The following SPAG4 variants were observed in gnomAD, a reference collection of about 807,000 sequenced individuals.
The protein encoded by SPAG4 is sperm associated antigen 4, also known as sperm-associated antigen 4 protein.
In SPAG4, 54 loss-of-function variants were observed where a neutral mutation model predicts 53.9. That is an observed-to-expected ratio of 1.00 (90% CI 0.80 to 1.26). The LOEUF (loss-of-function observed/expected upper bound fraction) is 1.26. Among genes scored for constraint, SPAG4 ranks in the 50% most tolerant of loss-of-function variants. SPAG4 has a pLI of 0.00. For synonymous variants in SPAG4, 246 were observed against 237.4 expected (o/e 1.04, Z -0.33); for missense variants, 548 against 568.6 (o/e 0.96, Z 0.37).
chr20:35,616,280 G>A lies in SPAG4; in HGVS notation c.277G>A (p.Ala93Thr). ...RSHNWQTACGAATVRGGASEP... is the reference protein window; with the variant it reads ...RSHNWQTACGTATVRGGASEP... The stretch of plus-strand genomic sequence containing the variant: ...CCACAACTGGCAGACAGCCTGTGGC[G>A]CGGCAACCGTGAGGGGCGGGGCCTC... The change falls in exon 1 of 12, where the codon GCG becomes ACG. Residue 93 changes from alanine to threonine, a missense_variant. Physicochemically the swap from Ala to Thr is moderately conservative, Grantham distance 58. Transcript: ENST00000374273. 2.7e-6 allele frequency: 4 copies of A among 1,488,542 alleles called. No individual in the cohort carries two copies. Among genetic ancestry groups the A allele is most frequent in the Non-Finnish European group, 3.6e-6 (4 of 1,123,712 alleles). 92.2% of individuals were successfully genotyped at this position (1,488,542 alleles called of 1,614,324 possible). A position where few individuals can be genotyped will look rare whatever the true frequency, so the allele number is the denominator to read the frequency against.
rs768830256 is a variant in SPAG4, at chr20:35,619,011, G to A, written c.793+13G>A. 6.2e-7 allele frequency: 1 copy of A among 1,608,640 alleles called. No homozygotes were observed. The highest frequency in any genetic ancestry group is 1.1e-5 in the South Asian group (1 of 90,952). ...TTGAGCTCTGTGGGTAAGACCCGGAGACACTGGAAGACAGAGACGCAGACA... is the reference window on the plus strand; with the variant it reads ...TTGAGCTCTGTGGGTAAGACCCGGAAACACTGGAAGACAGAGACGCAGACA... On this transcript the variant is annotated intron_variant, in intron 8 of 11. Coordinates refer to ENST00000374273, the MANE Select transcript of SPAG4 (RefSeq NM_003116.3).
At chr20:35,616,712 C>G (rs1053007149) in intron 1 of SPAG4, among the ~76,000 whole-genome samples, 1 of 152,006 alleles carries the variant, frequency 6.6e-6, no homozygotes, top group Non-Finnish European at 1.5e-5. Flanking sequence ...TCACCGCAAC[C>G]TCCGCCTCCC....
In SPAG4 at chr20:35,619,571, G is replaced by A. The variant is rs2071907297; in HGVS notation, c.910-8G>A. On this transcript the variant is annotated splice_region_variant and splice_polypyrimidine_tract_variant and intron_variant, in intron 9 of 11. Transcript: ENST00000374273. ...GACGGTTCCGATGGTCCCTCCGCCC[G>A]CCTGCAGCCCCACGTGTTCCCTGGG... 2 of 1,610,464 alleles carry A rather than the reference G, an allele frequency of 1.2e-6. No homozygotes were observed. The highest frequency in any genetic ancestry group is 1.7e-6 in the Non-Finnish European group (2 of 1,177,422).
In SPAG4 at chr20:35,620,888, G is replaced by A; in HGVS notation, c.1180G>A (p.Ala394Thr). ...QTFHLQNDPP[A>T]AFPKVKIQIL... ...TTTGTCTCCCCAGAATGACCCCCCA[G>A]CTGCCTTTCCCAAGGTGAAGATCCA... The change falls in exon 12 of 12, where the codon GCT becomes ACT. Residue 394 changes from alanine (A) to threonine (T), a missense_variant. Ala to Thr is a moderately conservative substitution (Grantham distance 58, BLOSUM62 0). Transcript: ENST00000374273. 5 of 1,614,154 alleles carry A rather than the reference G, an allele frequency of 3.1e-6. No individual in the cohort carries two copies. Among genetic ancestry groups the A allele is most frequent in the Non-Finnish European group, 4.2e-6 (5 of 1,180,004 alleles).
Position 35,619,897 on chromosome 20 carries a change from A to G in SPAG4, c.1077+151A>G, listed in dbSNP as rs1017803075. 14 of 786,832 alleles carry G rather than the reference A, an allele frequency of 1.8e-5. No individual in the cohort carries two copies. In the African/African-American group the frequency reaches 2.3e-4, roughly 13 times the overall value. The allele number at this position is 786,832 out of a possible 1,614,324, so 48.7% of individuals were successfully genotyped here. On this transcript the variant is annotated intron_variant, in intron 10 of 11. Transcript: ENST00000374273. ...CTCAGAGCTGCTGTAGGTTATAGTCATAACCATATCCAGATATTAGTTATT... is the reference window on the plus strand; with the variant it reads ...CTCAGAGCTGCTGTAGGTTATAGTCGTAACCATATCCAGATATTAGTTATT...
chr20:35,617,177 C>T lies in SPAG4; in HGVS notation c.346C>T (p.Leu116Phe). 6.3e-7 allele frequency: 1 copy of T among 1,599,490 alleles called. No individual in the cohort carries two copies. The highest frequency in any genetic ancestry group is 8.5e-7 in the Non-Finnish European group (1 of 1,172,992). ...AGTAGTCTCTGAGGAGCCGCTCGAC[C>T]TTCTCCCGACCCTGGATCTGAGGCA... ...SPVVSEEPLD[L>F]LPTLDLRQEM... is the part of the protein sequence containing the mutation. The change falls in exon 2 of 12, where the codon CTT becomes TTT. Residue 116 changes from leucine to phenylalanine, a missense_variant. Physicochemically the swap from Leu to Phe is conservative, Grantham distance 22. Coordinates refer to ENST00000374273, the MANE Select transcript of SPAG4 (RefSeq NM_003116.3).
chr20:35,618,053 T>G (rs1456891445), intron 4 of SPAG4, 34 bp from the exon 5 acceptor site: 3 of 1,609,522 alleles, frequency 1.9e-6, no homozygotes, highest in Non-Finnish European at 2.5e-6. Flanking sequence ...TTCTCTTCCT[T>G]TTCCTTCTGA....
intron 9 of SPAG4, 95 bp from the exon 10 acceptor site, chr20:35,619,484 C>T (rs536076514): frequency 2.6e-6 from 4 of 1,518,834 alleles, no homozygotes; most frequent in African/African-American, 2.7e-5. Context: ...GAGCTCTGGG[C>T]GGGTCGATGG....
chr20:35,615,931 T>A lies in SPAG4; in HGVS notation c.-73T>A. 6.8e-7 allele frequency: 1 copy of A among 1,480,990 alleles called. No individual in the cohort carries two copies. Among genetic ancestry groups the A allele is most frequent in the East Asian group, 2.4e-5 (1 of 41,912 alleles). The allele number at this position is 1,480,990 out of a possible 1,614,324, so 91.7% of individuals were successfully genotyped here. On this transcript the variant is annotated 5_prime_UTR_variant, in exon 1 of 12. Transcript: ENST00000374273. ...TGGGGTCCCCGCGGCGCGCAGCGGCTGAAGGAGGCCCCAGGGCCTTGGCGA... is the reference window on the plus strand; with the variant it reads ...TGGGGTCCCCGCGGCGCGCAGCGGCAGAAGGAGGCCCCAGGGCCTTGGCGA...
chr20:35,619,131 G>T, intron 8 of SPAG4, 64 bp from the exon 9 acceptor site: 1 of 565,610 alleles, frequency 1.8e-6, no homozygotes. Context: ...CAGCCCCCGC[G>T]CCCCCGCGCC....
intron 9 of SPAG4, 98 bp from the exon 10 acceptor site, chr20:35,619,481 G>A: frequency 1.3e-6 from 2 of 1,515,760 alleles, no homozygotes; most frequent in Admixed American, 3.5e-5. Context: ...GTGGAGCTCT[G>A]GGCGGGTCGA....
Position 35,616,002 on chromosome 20 carries a change from G to A in SPAG4, c.-2G>A, listed in dbSNP as rs2031357221. 1 of 1,610,786 alleles carries A rather than the reference G, an allele frequency of 6.2e-7. No individual in the cohort carries two copies. The highest frequency in any genetic ancestry group is 8.5e-7 in the Non-Finnish European group (1 of 1,179,490). ...TCAGTGACTAGGCAGCAGGGGGTCA[G>A]GATGCGGCGAAGCTCCCGCCCGGGC... On this transcript the variant is annotated 5_prime_UTR_variant, in exon 1 of 12. Coordinates refer to ENST00000374273, the MANE Select transcript of SPAG4 (RefSeq NM_003116.3).
At chr20:35,620,625 C>T (rs766624421) in intron 10 of SPAG4, 59 bp from the exon 11 acceptor site, 3 of 453,826 alleles carry the variant, frequency 6.6e-6, no homozygotes, top group East Asian at 4.4e-5. Flanking sequence ...TTCTTCTCCC[C>T]GCCCCCCCCG....
chr20:35,620,937 C>G lies in SPAG4; in HGVS notation c.1229C>G (p.Pro410Arg). Residue 410 changes from proline (P) to arginine (R), a missense_variant, in exon 12 of 12, where the codon CCC becomes CGC. By Grantham distance (103) the Pro-to-Arg change is moderately radical (BLOSUM62 -2). Coordinates refer to ENST00000374273, the MANE Select transcript of SPAG4 (RefSeq NM_003116.3). Reference sequence around the variant, plus strand: ...CAGATTCTAAGCAACTGGGGCCACCCCCGTTTCACGTGCTTGTATCGAGTC... The same window carrying G: ...CAGATTCTAAGCAACTGGGGCCACCGCCGTTTCACGTGCTTGTATCGAGTC... Reference protein sequence around the residue: ...KIQILSNWGHPRFTCLYRVRA... With the variant: ...KIQILSNWGHRRFTCLYRVRA... The G allele has an allele frequency of 1.2e-6, 2 of 1,614,220 alleles. No homozygotes were observed. Among genetic ancestry groups the G allele is most frequent in the Non-Finnish European group, 1.7e-6 (2 of 1,180,042 alleles).
intron 10 of SPAG4, 114 bp downstream of exon 10, chr20:35,619,860 T>C (rs2031518533): frequency 4.5e-6 from 5 of 1,100,388 alleles, no homozygotes; most frequent in Non-Finnish European, 6.4e-6. Flanking sequence ...ATGAAGATAC[T>C]ACTATTTGCC....
Position 35,619,324 on chromosome 20 carries a change from C to G in SPAG4, c.909+14C>G. ...GTTATCCTGGAGGTGAGTCTGGAAA[C>G]ATCCCGGGATGGGACCCCGGGCGGG... is the stretch of plus-strand genomic sequence containing the variant. On this transcript the variant is annotated intron_variant, in intron 9 of 11. Transcript: ENST00000374273. The G allele has an allele frequency of 6.2e-7, 1 of 1,606,650 alleles. No homozygotes were observed. Among genetic ancestry groups the G allele is most frequent in the Non-Finnish European group, 8.5e-7 (1 of 1,173,150 alleles).
intron 4 of SPAG4, 62 bp downstream of exon 4, chr20:35,617,902 A>AT (rs2031442230): frequency 6.5e-7 from 1 of 1,535,764 alleles, no homozygotes; most frequent in African/African-American, 1.4e-5. Flanking sequence ...AACCCAGCAC[A>AT]TTTTCTCCTA....
rs6087726 is a variant in SPAG4 at position 35,618,916 on chromosome 20, C to G, written c.718-7C>G. 1 of 1,613,940 alleles carries G rather than the reference C, an allele frequency of 6.2e-7. No homozygotes were observed. Among genetic ancestry groups the G allele is most frequent in the South Asian group, 1.1e-5 (1 of 91,078 alleles). On this transcript the variant is annotated splice_region_variant and splice_polypyrimidine_tract_variant and intron_variant, in intron 7 of 11. Coordinates refer to ENST00000374273, the MANE Select transcript of SPAG4 (RefSeq NM_003116.3). ...GCCCCTCCAGGCCTCGCCCTCCCTC[C>G]TTGCAGAGAGTGGCCAAGCTCGTGT...
chr20:35,616,369 G>A (rs2031379891), intron 1 of SPAG4, 62 bp downstream of exon 1: 28 of 1,430,114 alleles, frequency 2.0e-5, no homozygotes, highest in Non-Finnish European at 2.4e-5. Context: ...GGGCGGTGCT[G>A]GGCGGGGACG....
Sources: allele counts gnomAD v4.1 joint callset (sites outside exome capture counted in the v4.1 genomes callset), GRCh38; gene constraint gnomAD v4.1.1; transcripts MANE v1.5; gene names NCBI Gene and HGNC (gene_info 2026-07-23, HGNC 2026-07-21).